SH3RF3: variants seen among roughly 807,000 people sequenced by gnomAD.
SH3RF3 encodes SH3 domain containing ring finger 3.
In SH3RF3, 29 loss-of-function variants were observed where a neutral mutation model predicts 66.3. That is an observed-to-expected ratio of 0.44 (90% CI 0.33 to 0.60). The LOEUF (loss-of-function observed/expected upper bound fraction) is 0.60. Among genes scored for constraint, SH3RF3 ranks in the 20% least tolerant of loss-of-function variants. The pLI is 0.04. For synonymous variants in SH3RF3, 583 were observed against 532.0 expected (o/e 1.10, Z -1.32); for missense variants, 1,194 against 1,190.9 (o/e 1.00, Z -0.04).
At chr2:109,468,620 G>A (rs559181099) in intron 8 of SH3RF3, among the ~76,000 whole-genome samples, 23 of 152,000 alleles carry the variant, frequency 1.5e-4, no homozygotes, top group Non-Finnish European at 3.1e-4. Flanking sequence ...TTGGGAGGCC[G>A]AGGCAGGTGG....
chr2:109,449,473 A>G lies in SH3RF3; in HGVS notation c.2132A>G (p.Glu711Gly), dbSNP rs559082709. The G allele has an allele frequency of 3.7e-6, 6 of 1,613,940 alleles. No homozygotes were observed. The African/African-American group carries it at 4.0e-5, about 11-fold the overall frequency. Residue 711 changes from glutamate (E) to glycine (G), a missense_variant, in exon 8 of 10, where the codon GAG becomes GGG. Coordinates refer to ENST00000309415, the MANE Select transcript of SH3RF3 (RefSeq NM_001099289.3). ...SPTNTGCKLD[E>G]KKSEKKEKKS... ...ACCAACACGGGATGCAAACTAGACG[A>G]GAAGAAAAGTGAAAAGGTAAGAGGC...
intron 1 of SH3RF3, among the ~76,000 whole-genome samples, chr2:109,214,184 C>A (rs897513363): frequency 1.3e-5 from 2 of 152,232 alleles, no homozygotes; most frequent in African/African-American, 2.4e-5. Context: ...GAGGCTAAGA[C>A]GCAGACTGGA....
chr2:109,333,590 A>G (rs748178327), intron 1 of SH3RF3, among the ~76,000 whole-genome samples: 45 of 152,240 alleles, frequency 3.0e-4, no homozygotes, highest in Admixed American at 8.5e-4. Flanking sequence ...TCTGGCTGCT[A>G]CAATGGCAGA....
rs575391560 is a variant in SH3RF3, at chr2:109,287,090, C to T, written c.574-60584C>T. Among the ~76,000 whole-genome samples, 538 of 152,320 alleles carry T rather than the reference C, an allele frequency of 3.5e-3. 1 individual carries two copies. The highest frequency in any genetic ancestry group is 0.012 in the African/African-American group (502 of 41,576). ...CTTGCTCTCCATGTTTCTGTGATCT[C>T]ATCTGTGACATACAGATGACAGCCA... On this transcript the variant is annotated intron_variant, in intron 1 of 9. Transcript: ENST00000309415.
chr2:109,230,070 C>T (rs369571809), intron 1 of SH3RF3, among the ~76,000 whole-genome samples: 78 of 151,996 alleles, frequency 5.1e-4, no homozygotes, highest in Middle Eastern at 3.4e-3. Context: ...GTGATCCGCC[C>T]GCCTCAGCCT....
chr2:109,222,448 C>G (rs773590896), intron 1 of SH3RF3, among the ~76,000 whole-genome samples: 1 of 152,058 alleles, frequency 6.6e-6, no homozygotes, highest in Non-Finnish European at 1.5e-5. Flanking sequence ...TATATGTACC[C>G]CATAAATATG....
chr2:109,384,138 A>T (rs1675762897), intron 3 of SH3RF3, among the ~76,000 whole-genome samples: 1 of 152,184 alleles, frequency 6.6e-6, no homozygotes, highest in Admixed American at 6.5e-5. Context: ...TGCCCTCCCC[A>T]CAGTTCCTTC....
intron 1 of SH3RF3, among the ~76,000 whole-genome samples, chr2:109,296,409 G>GT (rs1316199628): frequency 2.6e-5 from 4 of 151,572 alleles, no homozygotes; most frequent in East Asian, 3.9e-4. Flanking sequence ...TTGTGTGTGT[G>GT]TTTTTTATTG....
intron 8 of SH3RF3, among the ~76,000 whole-genome samples, chr2:109,460,258 G>A (rs539749397): frequency 6.6e-6 from 1 of 152,194 alleles, no homozygotes; most frequent in Admixed American, 6.5e-5. Flanking sequence ...TCCATATCTA[G>A]AGTGAATAGT....
chr2:109,292,762 C>T (rs937365665), intron 1 of SH3RF3, among the ~76,000 whole-genome samples: 6 of 152,084 alleles, frequency 3.9e-5, no homozygotes, highest in Non-Finnish European at 8.8e-5. Context: ...GATGGAGTTT[C>T]ACTCTTGTTG....
At chr2:109,215,462 C>A (rs1362305904) in intron 1 of SH3RF3, among the ~76,000 whole-genome samples, 2 of 152,074 alleles carry the variant, frequency 1.3e-5, no homozygotes, top group African/African-American at 4.8e-5. Flanking sequence ...CCACTTTACA[C>A]CATCAGAACA....
intron 1 of SH3RF3, among the ~76,000 whole-genome samples, chr2:109,289,417 G>A (rs1039059472): frequency 2.6e-5 from 4 of 152,132 alleles, no homozygotes; most frequent in African/African-American, 9.7e-5. Context: ...ACTGTTGTTG[G>A]AACATGAGCT....
chr2:109,259,028 C>T (rs1282006170), intron 1 of SH3RF3, among the ~76,000 whole-genome samples: 1 of 152,188 alleles, frequency 6.6e-6, no homozygotes, highest in Non-Finnish European at 1.5e-5. Flanking sequence ...TAGGCTGCCT[C>T]GGGAAGGAGG....
In SH3RF3 at chr2:109,285,929, G is replaced by A. The variant is rs559068368; in HGVS notation, c.574-61745G>A. ...CATTCAGATTTTTGTCCACTCACCCGGTTTTCCTCTTTTCTGCCCTGGGTT... is the reference window on the plus strand; with the variant it reads ...CATTCAGATTTTTGTCCACTCACCCAGTTTTCCTCTTTTCTGCCCTGGGTT... On this transcript the variant is annotated intron_variant, in intron 1 of 9. Transcript: ENST00000309415. 4.5e-4 allele frequency among the ~76,000 whole-genome samples: 68 copies of A among 152,228 alleles called. 1 individual carries two copies. The highest frequency in any genetic ancestry group is 1.6e-3 in the African/African-American group (68 of 41,530).
chr2:109,419,138 C>T, intron 4 of SH3RF3, among the ~76,000 whole-genome samples: 1 of 152,174 alleles, frequency 6.6e-6, no homozygotes, highest in East Asian at 1.9e-4. Context: ...ATCTCCAGTT[C>T]CTGGGGACGC....
intron 1 of SH3RF3, among the ~76,000 whole-genome samples, chr2:109,243,508 A>T (rs1379123196): frequency 1.3e-5 from 2 of 152,172 alleles, no homozygotes; most frequent in Non-Finnish European, 2.9e-5. Context: ...ATGCTCATGA[A>T]AAAAGTCAGA....
chr2:109,219,928 C>G (rs749573299), intron 1 of SH3RF3, among the ~76,000 whole-genome samples: 10 of 152,162 alleles, frequency 6.6e-5, no homozygotes, highest in South Asian at 2.1e-4. Context: ...AAAAAGCACT[C>G]TAAAATTTAT....
At chr2:109,456,453 C>T (rs796400905) in intron 8 of SH3RF3, among the ~76,000 whole-genome samples, 2 of 152,362 alleles carry the variant, frequency 1.3e-5, no homozygotes, top group African/African-American at 4.8e-5. Context: ...TGGAGCATCG[C>T]TTCACTGGTG....
At chr2:109,494,389 T>G (rs1308081415) in intron 9 of SH3RF3, among the ~76,000 whole-genome samples, 1 of 152,106 alleles carries the variant, frequency 6.6e-6, no homozygotes, top group Non-Finnish European at 1.5e-5. Context: ...GCCCCAGAAG[T>G]GCCCCCTCCC....
Sources: allele counts gnomAD v4.1 joint callset (sites outside exome capture counted in the v4.1 genomes callset), GRCh38; gene constraint gnomAD v4.1.1; transcripts MANE v1.5; gene names NCBI Gene and HGNC (gene_info 2026-07-23, HGNC 2026-07-21).